The following AUTS2 variants were observed in gnomAD, a reference collection of about 807,000 sequenced individuals.
AUTS2 encodes the protein autism susceptibility gene 2 protein.
Under a neutral mutation model 112.4 loss-of-function variants are expected in AUTS2, and 17 were observed. The ratio of observed to expected loss-of-function variants is 0.15; its 90% CI spans 0.10 to 0.23. The LOEUF is 0.23. Ranked by LOEUF, AUTS2 falls within the 10% of genes least tolerant of loss-of-function variation. AUTS2 has a pLI of 1.00. For missense variants in AUTS2, 1,510 were observed against 1,701.6 expected, an observed-to-expected ratio of 0.89 and a Z score of 1.98; for synonymous variants, 751 against 702.7, an observed-to-expected ratio of 1.07 and a Z score of -1.09.
At position 70,227,705 on chromosome 7, in the gene AUTS2, A is replaced by C. The variant is rs111897518; in HGVS notation, c.660+93134A>C. Among the ~76,000 whole-genome samples the C allele has an allele frequency of 3.7e-4, 56 of 152,228 alleles. 2 individuals carry two copies. Among genetic ancestry groups the C allele is most frequent in the African/African-American group, 1.3e-3 (52 of 41,576 alleles). On this transcript the variant is annotated intron_variant, in intron 4 of 18. Transcript: ENST00000342771. ...GATTCATTCTCTTAACTCATTGGCTATTTAGAAGTCTATTGACATATTTCA... is the reference window on the plus strand; with the variant it reads ...GATTCATTCTCTTAACTCATTGGCTCTTTAGAAGTCTATTGACATATTTCA...
chr7:69,888,540 GATATATATATAT>G (rs60804022), intron 1 of AUTS2, among the ~76,000 whole-genome samples: 21 of 99,232 alleles, frequency 2.1e-4, no homozygotes, highest in South Asian at 1.1e-3. Context: ...CAACATTGGG[GATATATATATAT>G]ATATATATAT....
chr7:70,731,760 G>T (rs947553742), intron 6 of AUTS2, among the ~76,000 whole-genome samples: 1 of 151,974 alleles, frequency 6.6e-6, no homozygotes, highest in Non-Finnish European at 1.5e-5. Context: ...TTAATTTGTT[G>T]CTCCATTTGG....
intron 11 of AUTS2, among the ~76,000 whole-genome samples, chr7:70,773,702 C>CTGCCA (rs979796151): frequency 3.7e-4 from 56 of 152,374 alleles, no homozygotes; most frequent in African/African-American, 1.3e-3. Context: ...GTGGCAGTCC[C>CTGCCA]TGCCATGGGT....
intron 2 of AUTS2, among the ~76,000 whole-genome samples, chr7:70,088,866 A>G (rs1357489868): frequency 6.6e-6 from 1 of 152,060 alleles, no homozygotes; most frequent in Non-Finnish European, 1.5e-5. Flanking sequence ...CTTGCTTTCT[A>G]ATACAGTTTA....
chr7:70,347,940 C>A (rs1013873432), intron 4 of AUTS2, among the ~76,000 whole-genome samples: 3 of 152,098 alleles, frequency 2.0e-5, no homozygotes, highest in African/African-American at 7.2e-5. Flanking sequence ...GGTAGAAGTT[C>A]TAGAGTCTTA....
At chr7:70,360,313 GA>G (rs1476885641) in intron 4 of AUTS2, among the ~76,000 whole-genome samples, 1 of 151,982 alleles carries the variant, frequency 6.6e-6, no homozygotes, top group Non-Finnish European at 1.5e-5. Flanking sequence ...TTTTTCTAGG[GA>G]TGGGAGCCTC....
At chr7:70,463,065 CT>C (rs1432041885) in intron 5 of AUTS2, among the ~76,000 whole-genome samples, 1 of 152,150 alleles carries the variant, frequency 6.6e-6, no homozygotes, top group Non-Finnish European at 1.5e-5. Flanking sequence ...GGTTCAGATA[CT>C]TTCACTAGAA....
intron 5 of AUTS2, among the ~76,000 whole-genome samples, chr7:70,511,561 C>CTTT (rs3974587): frequency 0.023 from 1,597 of 70,288 alleles, 67 homozygotes; most frequent in Non-Finnish European, 0.026. Context: ...TTTTCATTTT[C>CTTT]TTTTTTTTTT....
chr7:70,528,607 G>A (rs916033103), intron 5 of AUTS2, among the ~76,000 whole-genome samples: 1 of 150,068 alleles, frequency 6.7e-6, no homozygotes, highest in Non-Finnish European at 1.5e-5. Context: ...AGGTTAAGCA[G>A]ACTTCAAAAA....
chr7:70,409,329 G>GTATA (rs146260941), intron 4 of AUTS2, among the ~76,000 whole-genome samples: 2 of 150,632 alleles, frequency 1.3e-5, no homozygotes, highest in African/African-American at 4.9e-5. Context: ...TGGTGTATTA[G>GTATA]TATATATATA....
At chr7:70,363,465 G>GAAAAAAAAAAAAAAAAAAA (rs369462886) in intron 4 of AUTS2, among the ~76,000 whole-genome samples, 5 of 110,732 alleles carry the variant, frequency 4.5e-5, no homozygotes, top group Admixed American at 8.9e-5. Flanking sequence ...ATAAAAAAAA[G>GAAAAAAAAAAAAAAAAAAA]AAAAAAAAAA....
intron 2 of AUTS2, among the ~76,000 whole-genome samples, chr7:70,054,512 G>A (rs547790844): frequency 3.7e-4 from 57 of 152,196 alleles, no homozygotes; most frequent in South Asian, 2.3e-3. Flanking sequence ...AAAGATGGGG[G>A]CATTCGCGGA....
intron 5 of AUTS2, among the ~76,000 whole-genome samples, chr7:70,471,380 C>A (rs1477566928): frequency 6.6e-6 from 1 of 152,032 alleles, no homozygotes; most frequent in Non-Finnish European, 1.5e-5. Context: ...AAATTAAGGA[C>A]TTGGTTTTCT....
intron 1 of AUTS2, among the ~76,000 whole-genome samples, chr7:69,721,367 T>C (rs1057454906): frequency 6.6e-6 from 1 of 152,250 alleles, no homozygotes; most frequent in Middle Eastern, 3.4e-3. Context: ...GACCATTCTG[T>C]CTGAAGGAGG....
At chr7:70,591,555 G>A (rs970129991) in intron 5 of AUTS2, among the ~76,000 whole-genome samples, 2 of 152,034 alleles carry the variant, frequency 1.3e-5, no homozygotes, top group African/African-American at 2.4e-5. Context: ...TGGCCATCAC[G>A]CCTGACTAAC....
intron 4 of AUTS2, among the ~76,000 whole-genome samples, chr7:70,323,352 C>T (rs541057280): frequency 3.3e-5 from 5 of 152,242 alleles, no homozygotes; most frequent in African/African-American, 9.6e-5. Flanking sequence ...CTGTTCTGTG[C>T]CAGGATCTTT....
chr7:70,115,110 T>G (rs1805289858), intron 2 of AUTS2, among the ~76,000 whole-genome samples: 1 of 152,168 alleles, frequency 6.6e-6, no homozygotes, highest in Admixed American at 6.5e-5. Context: ...GTTTTGCCCT[T>G]AGCCTAGATC....
At chr7:70,645,431 T>G (rs1312634265) in intron 5 of AUTS2, among the ~76,000 whole-genome samples, 5 of 151,896 alleles carry the variant, frequency 3.3e-5, no homozygotes, top group African/African-American at 4.8e-5. Flanking sequence ...CACTGAACTC[T>G]CTCCACACCA....
chr7:70,244,806 C>T (rs1170067859), intron 4 of AUTS2, among the ~76,000 whole-genome samples: 2 of 152,112 alleles, frequency 1.3e-5, no homozygotes, highest in Non-Finnish European at 2.9e-5. Context: ...TTTAGAAACA[C>T]TAAACTTAAC....
Sources: allele counts gnomAD v4.1 joint callset (sites outside exome capture counted in the v4.1 genomes callset), GRCh38; gene constraint gnomAD v4.1.1; transcripts MANE v1.5; gene names NCBI Gene and HGNC (gene_info 2026-07-23, HGNC 2026-07-21).